The following OSBPL1A variants were observed in gnomAD, a reference collection of about 807,000 sequenced individuals.
The protein encoded by OSBPL1A is oxysterol-binding protein-related protein 1.
Under a neutral mutation model 137.1 loss-of-function variants are expected in OSBPL1A, and 80 were observed. The ratio of observed to expected loss-of-function variants is 0.58; its 90% CI spans 0.49 to 0.70. The LOEUF is 0.70. OSBPL1A is among the 30% of genes least tolerant of loss of function. The pLI is 0.00. For missense variants in OSBPL1A, 970 were observed against 1,129.4 expected (o/e 0.86, Z 2.02); for synonymous variants, 365 against 389.7 (o/e 0.94, Z 0.75).
chr18:24,337,571 A>C (rs1406563775), intron 5 of OSBPL1A, among the ~76,000 whole-genome samples: 2 of 73,366 alleles, frequency 2.7e-5, no homozygotes, highest in African/African-American at 2.1e-4. Flanking sequence ...ACTCTGTCTC[A>C]AAAAAAAAAA....
intron 2 of OSBPL1A, among the ~76,000 whole-genome samples, chr18:24,372,721 T>A (rs1426461560): frequency 6.6e-6 from 1 of 152,136 alleles, no homozygotes; most frequent in African/African-American, 2.4e-5. Context: ...TGACCTGGTG[T>A]CCTCACATCT....
At chr18:24,165,324 G>C (rs1268224402) in intron 26 of OSBPL1A, among the ~76,000 whole-genome samples, 169 bp from the exon 27 acceptor site, 2 of 152,018 alleles carry the variant, frequency 1.3e-5, no homozygotes, top group Non-Finnish European at 1.5e-5. Flanking sequence ...CAGATACCTG[G>C]GCTAGTAAGA....
At chr18:24,242,216 T>A (rs1035097603) in intron 15 of OSBPL1A, among the ~76,000 whole-genome samples, 5 of 151,628 alleles carry the variant, frequency 3.3e-5, no homozygotes, top group African/African-American at 4.9e-5. Context: ...CCATGGCACA[T>A]GTATACCATG....
chr18:24,371,728 A>G (rs1338046024), intron 2 of OSBPL1A, among the ~76,000 whole-genome samples: 2 of 151,568 alleles, frequency 1.3e-5, no homozygotes, highest in Non-Finnish European at 2.9e-5. Context: ...CTTCCTGTCA[A>G]CCCCCACCCA....
chr18:24,349,553 C>A (rs905977499), intron 4 of OSBPL1A, among the ~76,000 whole-genome samples: 2 of 152,052 alleles, frequency 1.3e-5, no homozygotes, highest in Non-Finnish European at 2.9e-5. Flanking sequence ...ATGGCACAGT[C>A]AACCTTAAGA....
intron 17 of OSBPL1A, among the ~76,000 whole-genome samples, chr18:24,200,998 CAGAAATAAGAACAGACG>C (rs2087203560): frequency 6.6e-6 from 1 of 151,762 alleles, no homozygotes; most frequent in Non-Finnish European, 1.5e-5. Flanking sequence ...TTACTCCAGG[CAGAAATAAGAACAGACG>C]AGAGCAGCAA....
intron 15 of OSBPL1A, among the ~76,000 whole-genome samples, chr18:24,260,463 T>G (rs2089417030): frequency 6.6e-6 from 1 of 152,206 alleles, no homozygotes; most frequent in Non-Finnish European, 1.5e-5. Context: ...ACCATACTTC[T>G]TAGCCATCAA....
chr18:24,251,514 T>C (rs1253472956), intron 15 of OSBPL1A, among the ~76,000 whole-genome samples: 1 of 152,220 alleles, frequency 6.6e-6, no homozygotes, highest in African/African-American at 2.4e-5. Context: ...ACCAAGGCAG[T>C]ACCTCTGCAA....
intron 15 of OSBPL1A, among the ~76,000 whole-genome samples, chr18:24,252,911 G>A (rs1313113039): frequency 6.6e-6 from 1 of 151,988 alleles, no homozygotes; most frequent in Non-Finnish European, 1.5e-5. Context: ...AAAATAATGG[G>A]TTATAAGACA....
intron 17 of OSBPL1A, among the ~76,000 whole-genome samples, chr18:24,198,434 C>A (rs956420401): frequency 2.6e-5 from 4 of 152,130 alleles, no homozygotes; most frequent in Non-Finnish European, 5.9e-5. Flanking sequence ...AGAATGTAAT[C>A]ATTACTCATT....
chr18:24,198,136 C>T (rs2087093387), intron 17 of OSBPL1A, among the ~76,000 whole-genome samples: 1 of 152,030 alleles, frequency 6.6e-6, no homozygotes, highest in Non-Finnish European at 1.5e-5. Flanking sequence ...GTGTAGCATA[C>T]CTAGAGAGTT....
At chr18:24,198,914 G>A (rs1198032589) in intron 17 of OSBPL1A, among the ~76,000 whole-genome samples, 3 of 151,022 alleles carry the variant, frequency 2.0e-5, no homozygotes, top group Admixed American at 6.6e-5. Flanking sequence ...CTGGAGTGCA[G>A]TGGTATGATC....
At chr18:24,259,909 A>T (rs2089399619) in intron 15 of OSBPL1A, among the ~76,000 whole-genome samples, 1 of 152,252 alleles carries the variant, frequency 6.6e-6, no homozygotes, top group African/African-American at 2.4e-5. Context: ...AATGGAAGGA[A>T]GTATTTGCAA....
intron 5 of OSBPL1A, among the ~76,000 whole-genome samples, chr18:24,340,714 G>A (rs1274839819): frequency 6.6e-6 from 1 of 152,134 alleles, no homozygotes. Flanking sequence ...GCTGAGGCAG[G>A]AGAATCGCTT....
At chr18:24,240,512 T>C (rs886650467) in intron 15 of OSBPL1A, among the ~76,000 whole-genome samples, 10 of 152,194 alleles carry the variant, frequency 6.6e-5, no homozygotes, top group Admixed American at 4.6e-4. Flanking sequence ...ATCACTACTA[T>C]GCCTTAATCT....
chr18:24,344,939 A>C (rs745892624), intron 4 of OSBPL1A, among the ~76,000 whole-genome samples: 2 of 151,746 alleles, frequency 1.3e-5, no homozygotes, highest in Non-Finnish European at 2.9e-5. Flanking sequence ...TCAGCCTCCC[A>C]AGTAGCTGGG....
At chr18:24,167,841 G>A (rs1341857771) in intron 24 of OSBPL1A, among the ~76,000 whole-genome samples, 1 of 152,124 alleles carries the variant, frequency 6.6e-6, no homozygotes, top group African/African-American at 2.4e-5. Context: ...ATCGTTTATT[G>A]CACACCACTA....
At chr18:24,364,013 G>A (rs376157076) in intron 4 of OSBPL1A, among the ~76,000 whole-genome samples, 9 of 151,768 alleles carry the variant, frequency 5.9e-5, no homozygotes, top group East Asian at 1.9e-4. Context: ...CCTACCTTAA[G>A]GTTAGCTGAT....
Position 24,317,402 on chromosome 18 carries a change from T to A in OSBPL1A, c.733-2A>T. 6.2e-7 allele frequency: 1 copy of A among 1,611,656 alleles called. No homozygotes were observed. The highest frequency in any genetic ancestry group is 8.5e-7 in the Non-Finnish European group (1 of 1,178,004). Reference sequence around the variant, plus strand: ...TCTCCAGCCAAAAAATCTTGAACTCTAAGGGAAAAATAACAAAGATTTCCC... The same window carrying A: ...TCTCCAGCCAAAAAATCTTGAACTCAAAGGGAAAAATAACAAAGATTTCCC... On this transcript the variant is annotated splice_acceptor_variant, in intron 9 of 27. Transcript: ENST00000319481. LOFTEE classifies it high-confidence loss of function.
Sources: allele counts gnomAD v4.1 joint callset (sites outside exome capture counted in the v4.1 genomes callset), GRCh38; gene constraint gnomAD v4.1.1; transcripts MANE v1.5; gene names NCBI Gene and HGNC (gene_info 2026-07-23, HGNC 2026-07-21).